METAP1: variants seen among roughly 807,000 people sequenced by gnomAD.
METAP1 encodes the protein methionine aminopeptidase 1.
METAP1 carries 28 observed loss-of-function variants against 53.8 expected under a neutral mutation model. The observed-to-expected ratio is 0.52, with a 90% CI of 0.39 to 0.71. The LOEUF (loss-of-function observed/expected upper bound fraction) is 0.71. Among genes scored for constraint, METAP1 ranks in the 30% least tolerant of loss-of-function variants. METAP1 has a pLI of 0.00. For missense variants in METAP1, 389 were observed against 479.8 expected (o/e 0.81, Z 1.77); for synonymous variants, 181 against 165.7 (o/e 1.09, Z -0.71).
Position 99,051,971 on chromosome 4 carries a change from AATG to A in METAP1, c.931+3101_931+3103del, listed in dbSNP as rs561644454. 4.5e-3 allele frequency among the ~76,000 whole-genome samples: 692 copies of A among 152,300 alleles called. 13 individuals are homozygous for A. The highest frequency in any genetic ancestry group is 0.034 in the Middle Eastern group (10 of 294). On this transcript the variant is annotated intron_variant, in intron 9 of 10. Coordinates refer to ENST00000296411, the MANE Select transcript of METAP1 (RefSeq NM_015143.3). ...ATGTTTGAATCAATGGGTGGGAAGT[AATG>A]ATGATAATACTCTGCATTTAAACTG... is the stretch of plus-strand genomic sequence containing the variant.
chr4:99,057,509 C>T (rs911589705), intron 9 of METAP1, among the ~76,000 whole-genome samples: 1 of 151,364 alleles, frequency 6.6e-6, no homozygotes, highest in Non-Finnish European at 1.5e-5. Context: ...GAAATACAGC[C>T]TACAAATACC....
At position 98,995,883 on chromosome 4, in the gene METAP1, C is replaced by G; in HGVS notation, c.114+16C>G. 1 of 1,527,454 alleles carries G rather than the reference C, an allele frequency of 6.5e-7. No homozygotes were observed. The highest frequency in any genetic ancestry group is 1.9e-4 in the Middle Eastern group (1 of 5,390). 94.6% of individuals were successfully genotyped at this position (1,527,454 alleles called of 1,614,324 possible). ...CTGCTCGCAGGTAGGCGCCCGCTGC[C>G]CCGCGGATATGCCGCCGCTGCGGGA... On this transcript the variant is annotated intron_variant, in intron 1 of 10. Transcript: ENST00000296411.
At chr4:99,016,917 T>C (rs1010019386) in intron 1 of METAP1, among the ~76,000 whole-genome samples, 1 of 152,228 alleles carries the variant, frequency 6.6e-6, no homozygotes, top group Non-Finnish European at 1.5e-5. Context: ...AGAGCATCTC[T>C]CTCTGATCTG....
chr4:99,022,347 C>G, intron 1 of METAP1: 1 of 865,814 alleles, frequency 1.2e-6, no homozygotes, highest in East Asian at 2.9e-5. Context: ...CCTCCATGCT[C>G]TCTGAGGGTG....
chr4:98,998,442 G>C (rs1419557686), intron 1 of METAP1, among the ~76,000 whole-genome samples: 1 of 152,204 alleles, frequency 6.6e-6, no homozygotes, highest in Non-Finnish European at 1.5e-5. Flanking sequence ...AGAATCACTT[G>C]AACCTGGGTG....
chr4:99,041,110 A>C lies in METAP1; in HGVS notation c.500A>C (p.Asp167Ala), dbSNP rs1205701477. The C allele has an allele frequency of 6.2e-7, 1 of 1,605,628 alleles. No individual in the cohort carries two copies. Among genetic ancestry groups the C allele is most frequent in the Non-Finnish European group, 8.5e-7 (1 of 1,174,482 alleles). The change falls in exon 6 of 11, where the codon GAT becomes GCT. Residue 167 changes from aspartate to alanine, a missense_variant. Physicochemically the swap from Asp to Ala is moderately radical, Grantham distance 126 (BLOSUM62 -2). Transcript: ENST00000296411. ...IKPGVTTEEI[D>A]HAVHLACIAR... ...CCAGGTGTAACTACTGAAGAAATAG[A>C]TCACGCTGTACACTTAGTAAGAACT...
chr4:99,008,761 TGTA>T (rs1333356651), intron 1 of METAP1, among the ~76,000 whole-genome samples: 1 of 152,222 alleles, frequency 6.6e-6, no homozygotes, highest in Non-Finnish European at 1.5e-5. Flanking sequence ...GTGCTTGGTA[TGTA>T]GTAAAATCTC....
intron 1 of METAP1, among the ~76,000 whole-genome samples, chr4:99,012,652 G>GGT (rs1723537865): frequency 2.2e-5 from 2 of 90,362 alleles, no homozygotes; most frequent in South Asian, 1.1e-3. Flanking sequence ...ATCCCATAAA[G>GGT]TTTTTTTTTT....
chr4:99,024,012 G>A (rs1229491497), intron 1 of METAP1, among the ~76,000 whole-genome samples: 7 of 152,158 alleles, frequency 4.6e-5, no homozygotes, highest in Non-Finnish European at 8.8e-5. Context: ...AAAGAAAGAA[G>A]TAAAAACTAA....
intron 1 of METAP1, among the ~76,000 whole-genome samples, chr4:99,015,121 C>A (rs747359400): frequency 2.6e-5 from 4 of 152,160 alleles, no homozygotes; most frequent in African/African-American, 4.8e-5. Context: ...TCTGGCTTAC[C>A]GTGTGCACAA....
intron 1 of METAP1, chr4:99,005,650 G>A (rs546555570): frequency 1.8e-4 from 47 of 266,114 alleles, no homozygotes; most frequent in Non-Finnish European, 3.4e-4. Flanking sequence ...TTTCACAATT[G>A]CAAAGATAGG....
intron 1 of METAP1, among the ~76,000 whole-genome samples, chr4:99,020,779 A>G (rs1425234444): frequency 6.6e-6 from 1 of 152,248 alleles, no homozygotes; most frequent in African/African-American, 2.4e-5. Flanking sequence ...TATTTTGGCC[A>G]GAAAACAGCA....
intron 1 of METAP1, among the ~76,000 whole-genome samples, chr4:99,028,128 A>G (rs1451821044): frequency 6.6e-6 from 1 of 152,212 alleles, no homozygotes; most frequent in Non-Finnish European, 1.5e-5. Flanking sequence ...TCAACCTCAA[A>G]ACATAAATAA....
chr4:99,035,460 G>A lies in METAP1; in HGVS notation c.340G>A (p.Gly114Arg), dbSNP rs35630029. ...ACCAGATTATGCTGATCATCCCTTAGGTAAGCTCTGCTATGTTGATTCTTC... is the reference window on the plus strand; with the variant it reads ...ACCAGATTATGCTGATCATCCCTTAAGTAAGCTCTGCTATGTTGATTCTTC... ...QRPDYADHPL[G>R]MSESEQALKG... The change falls in exon 4 of 11, where the codon GGA (glycine) becomes AGA (arginine). Residue 114 changes from glycine to arginine, a missense_variant and splice_region_variant. Coordinates refer to ENST00000296411, the MANE Select transcript of METAP1 (RefSeq NM_015143.3). 1 of 1,541,642 alleles carries A rather than the reference G, an allele frequency of 6.5e-7. No individual in the cohort carries two copies. The highest frequency in any genetic ancestry group is 8.8e-7 in the Non-Finnish European group (1 of 1,138,228).
intron 2 of METAP1, among the ~76,000 whole-genome samples, chr4:99,033,898 G>A (rs755695242): frequency 5.9e-5 from 9 of 152,142 alleles, no homozygotes; most frequent in Non-Finnish European, 1.0e-4. Context: ...TCTATAAATT[G>A]ATGTGGTCAG....
chr4:99,045,072 A>G (rs1350010550), intron 7 of METAP1, 107 bp from the exon 8 acceptor site: 2 of 1,144,782 alleles, frequency 1.7e-6, no homozygotes, highest in African/African-American at 1.6e-5. Context: ...TTGAGAATGC[A>G]GAAGTTGTCT....
In METAP1 at chr4:99,014,857, A is replaced by G. The variant is rs139457596; in HGVS notation, c.115-14010A>G. Among the ~76,000 whole-genome samples, 465 of 152,320 alleles carry G rather than the reference A, an allele frequency of 3.1e-3. 1 individual carries two copies. Among genetic ancestry groups the G allele is most frequent in the African/African-American group, 0.011 (447 of 41,572 alleles). On this transcript the variant is annotated intron_variant, in intron 1 of 10. Coordinates refer to ENST00000296411, the MANE Select transcript of METAP1 (RefSeq NM_015143.3). ...TCTTAGAAGTGCCTTACCTCCCTGCATCCTGTGAAATTTCCAAGGAATATT... is the reference window on the plus strand; with the variant it reads ...TCTTAGAAGTGCCTTACCTCCCTGCGTCCTGTGAAATTTCCAAGGAATATT...
chr4:99,027,085 T>A (rs1323775428), intron 1 of METAP1, among the ~76,000 whole-genome samples: 1 of 152,184 alleles, frequency 6.6e-6, no homozygotes, highest in Non-Finnish European at 1.5e-5. Context: ...ACAAGGCTAT[T>A]TGAGTAGCTA....
chr4:99,032,990 A>AT (rs1725157566), intron 2 of METAP1, among the ~76,000 whole-genome samples: 1 of 152,076 alleles, frequency 6.6e-6, no homozygotes, highest in Non-Finnish European at 1.5e-5. Flanking sequence ...ATATGAATGG[A>AT]TTTTCCATAT....
Sources: allele counts gnomAD v4.1 joint callset (sites outside exome capture counted in the v4.1 genomes callset), GRCh38; gene constraint gnomAD v4.1.1; transcripts MANE v1.5; gene names NCBI Gene and HGNC (gene_info 2026-07-23, HGNC 2026-07-21).